CSMD1: variants seen among roughly 807,000 people sequenced by gnomAD.
The protein encoded by CSMD1 is CUB and Sushi multiple domains 1.
A neutral mutation model predicts 417.5 loss-of-function variants in CSMD1; 213 were observed. That is an observed-to-expected ratio of 0.51 (90% CI 0.46 to 0.57). CSMD1 has a LOEUF of 0.57. Ranked by LOEUF, CSMD1 falls within the 20% of genes least tolerant of loss-of-function variation. The probability of loss-of-function intolerance (pLI) is 0.00; values close to 1 mark genes in which losing one functional copy is unlikely to be tolerated. For missense variants in CSMD1, 6,923 were observed against 4,529.7 expected, an observed-to-expected ratio of 1.53 and a Z score of -15.17; for synonymous variants, 2,862 against 1,736.8, an observed-to-expected ratio of 1.65 and a Z score of -16.11.
chr8:4,855,774 A>G (rs1429304359), intron 1 of CSMD1, among the ~76,000 whole-genome samples: 1 of 151,912 alleles, frequency 6.6e-6, no homozygotes, highest in Non-Finnish European at 1.5e-5. Flanking sequence ...TGAAAAGACC[A>G]AATCTACGTC....
At chr8:3,896,510 AT>A (rs1254033096) in intron 5 of CSMD1, among the ~76,000 whole-genome samples, 4 of 151,684 alleles carry the variant, frequency 2.6e-5, no homozygotes, top group African/African-American at 4.8e-5. Context: ...TATTACTATT[AT>A]TATTATTATT....
rs1800534516 is a variant in CSMD1 at position 4,471,583 on chromosome 8, A to T, written c.303-51518T>A. On this transcript the variant is annotated intron_variant, in intron 2 of 69. Transcript: ENST00000635120. ...TTAATAACGAAGGCCCGTTTTAGAG[A>T]GAGGTGCAGGGAGAAAACAACCCAG... Among the ~76,000 whole-genome samples the T allele has an allele frequency of 5.3e-5, 8 of 152,138 alleles. No homozygotes were observed. In the South Asian group the frequency reaches 1.7e-3, roughly 32 times the overall value.
At chr8:2,985,685 A>C (rs933883171) in intron 54 of CSMD1, among the ~76,000 whole-genome samples, 1 of 152,208 alleles carries the variant, frequency 6.6e-6, no homozygotes. Flanking sequence ...ACAAGGAAGA[A>C]AGTCATAGGA....
chr8:3,496,201 A>C (rs36041374), intron 10 of CSMD1, among the ~76,000 whole-genome samples: 1 of 152,052 alleles, frequency 6.6e-6, no homozygotes, highest in Non-Finnish European at 1.5e-5. Flanking sequence ...TGCCTGCTTA[A>C]TGTTCCTCCC....
chr8:4,431,132 G>A (rs576844014), intron 2 of CSMD1, among the ~76,000 whole-genome samples: 5 of 152,190 alleles, frequency 3.3e-5, no homozygotes, highest in African/African-American at 1.2e-4. Flanking sequence ...TAGAAAAAGA[G>A]GTGAGGCTCT....
chr8:3,481,886 G>A (rs778745986), intron 11 of CSMD1, among the ~76,000 whole-genome samples: 17 of 152,170 alleles, frequency 1.1e-4, no homozygotes, highest in Admixed American at 6.5e-5. Flanking sequence ...CTGGTTTCCA[G>A]AACTGAGAGT....
intron 10 of CSMD1, among the ~76,000 whole-genome samples, chr8:3,535,972 G>T (rs1016235556): frequency 6.6e-6 from 1 of 152,120 alleles, no homozygotes; most frequent in Admixed American, 6.5e-5. Flanking sequence ...ATGACAGAGG[G>T]CCATCCAGGG....
chr8:3,657,352 A>G (rs1418742450), intron 7 of CSMD1, among the ~76,000 whole-genome samples: 1 of 152,224 alleles, frequency 6.6e-6, no homozygotes, highest in Non-Finnish European at 1.5e-5. Context: ...CTCACCAAGA[A>G]GTAAAAGATC....
Position 2,942,654 on chromosome 8 carries a change from A to G in CSMD1, c.10403-50T>C, listed in dbSNP as rs548974330. ...TTTGTTGTTACTGTACTCTGCTTAA[A>G]CAAATACATATGATAAATTTTGTAA... On this transcript the variant is annotated intron_variant, in intron 68 of 69. Transcript: ENST00000635120. The G allele has an allele frequency of 7.7e-5, 106 of 1,373,736 alleles. 1 individual carries two copies. In the South Asian group the frequency reaches 1.7e-3, roughly 21 times the overall value. 85.1% of individuals were successfully genotyped at this position (1,373,736 alleles called of 1,614,324 possible).
chr8:3,400,295 T>A (rs1007325575), intron 15 of CSMD1, among the ~76,000 whole-genome samples: 1 of 152,194 alleles, frequency 6.6e-6, no homozygotes, highest in Admixed American at 6.5e-5. Flanking sequence ...CTCTCAAAAT[T>A]ATTTGCCATT....
rs192759334 is a variant in CSMD1 at position 3,898,181 on chromosome 8, C to T, written c.818+99722G>A. 3.2e-4 allele frequency among the ~76,000 whole-genome samples: 49 copies of T among 152,218 alleles called. No individual in the cohort carries two copies. In the East Asian group the frequency reaches 9.3e-3, roughly 29 times the overall value. ...CTATAAGCCATCAATCCCTGCAAGC[C>T]ATCCAGCAACAAGCTTATGAGTATG... On this transcript the variant is annotated intron_variant, in intron 5 of 69. Transcript: ENST00000635120.
At chr8:4,578,850 G>A (rs949341928) in intron 2 of CSMD1, among the ~76,000 whole-genome samples, 4 of 142,920 alleles carry the variant, frequency 2.8e-5, no homozygotes, top group African/African-American at 2.6e-5. Context: ...TTTACAAGCA[G>A]AAATGGCGGC....
At chr8:4,355,013 A>T (rs546170943) in intron 3 of CSMD1, among the ~76,000 whole-genome samples, 10 of 152,120 alleles carry the variant, frequency 6.6e-5, no homozygotes, top group African/African-American at 2.2e-4. Flanking sequence ...CTGTAATCCC[A>T]GCACTTTGGG....
chr8:4,802,725 G>A (rs930598577), intron 1 of CSMD1, among the ~76,000 whole-genome samples: 2 of 152,090 alleles, frequency 1.3e-5, no homozygotes, highest in Non-Finnish European at 2.9e-5. Context: ...ATCTTCCAAA[G>A]AGAATGTTTA....
chr8:4,966,864 A>G (rs958752819), intron 1 of CSMD1, among the ~76,000 whole-genome samples: 2 of 152,206 alleles, frequency 1.3e-5, no homozygotes, highest in African/African-American at 2.4e-5. Context: ...ATGTAAGATC[A>G]TCTTTCCCTT....
At chr8:4,733,679 C>T (rs1395596907) in intron 1 of CSMD1, among the ~76,000 whole-genome samples, 5 of 152,214 alleles carry the variant, frequency 3.3e-5, no homozygotes, top group African/African-American at 1.2e-4. Flanking sequence ...TGTTCACTGA[C>T]TACCTATTTT....
intron 3 of CSMD1, among the ~76,000 whole-genome samples, chr8:4,196,235 T>C (rs978930440): frequency 3.3e-5 from 5 of 151,940 alleles, no homozygotes; most frequent in Non-Finnish European, 5.9e-5. Context: ...AAATAAATAA[T>C]AAAAATAAAC....
intron 1 of CSMD1, among the ~76,000 whole-genome samples, chr8:4,825,945 T>C (rs1799802419): frequency 6.6e-6 from 1 of 152,040 alleles, no homozygotes; most frequent in African/African-American, 2.4e-5. Context: ...AGCTATCACC[T>C]TACATCTTTG....
At chr8:4,321,922 A>T (rs376444130) in intron 3 of CSMD1, among the ~76,000 whole-genome samples, 3 of 152,088 alleles carry the variant, frequency 2.0e-5, no homozygotes, top group Non-Finnish European at 2.9e-5. Flanking sequence ...TTATTACAGT[A>T]TATTTTTATT....
Sources: allele counts gnomAD v4.1 joint callset (sites outside exome capture counted in the v4.1 genomes callset), GRCh38; gene constraint gnomAD v4.1.1; transcripts MANE v1.5; gene names NCBI Gene and HGNC (gene_info 2026-07-23, HGNC 2026-07-21).